The following RBFOX1 variants were observed in gnomAD, a reference collection of about 807,000 sequenced individuals.
RBFOX1 encodes RNA binding protein fox-1 homolog 1.
A neutral mutation model predicts 57.7 loss-of-function variants in RBFOX1; 8 were observed. That is an observed-to-expected ratio of 0.14 (90% CI 0.08 to 0.25). The LOEUF (loss-of-function observed/expected upper bound fraction) is 0.25, where lower values mean the gene tolerates loss of function less well. Among genes scored for constraint, RBFOX1 ranks in the 10% least tolerant of loss-of-function variants. The pLI, the probability that RBFOX1 is intolerant of heterozygous loss-of-function variation, is 1.00. For missense variants in RBFOX1, 611 were observed against 548.5 expected, an observed-to-expected ratio of 1.11 and a Z score of -1.14; for synonymous variants, 326 against 222.4, an observed-to-expected ratio of 1.47 and a Z score of -4.15.
chr16:5,923,545 T>TC (rs1282706469), intron 4 of RBFOX1, among the ~76,000 whole-genome samples: 2 of 127,558 alleles, frequency 1.6e-5, no homozygotes, highest in Non-Finnish European at 3.4e-5. Flanking sequence ...TTTTTTTTTT[T>TC]TTTTTCTTTT....
At chr16:7,647,482 C>A (rs562476235) in intron 11 of RBFOX1, among the ~76,000 whole-genome samples, 1 of 151,848 alleles carries the variant, frequency 6.6e-6, no homozygotes, top group African/African-American at 2.4e-5. Flanking sequence ...AATCAACCTG[C>A]GTCCTTTCCA....
intron 4 of RBFOX1, among the ~76,000 whole-genome samples, chr16:7,119,779 C>A (rs967319128): frequency 6.6e-6 from 1 of 151,956 alleles, no homozygotes; most frequent in African/African-American, 2.4e-5. Flanking sequence ...GTCTGTCTCA[C>A]TATTTGATAA....
At chr16:5,875,966 C>A (rs2057599166) in intron 4 of RBFOX1, among the ~76,000 whole-genome samples, 1 of 151,888 alleles carries the variant, frequency 6.6e-6, no homozygotes, top group African/African-American at 2.4e-5. Context: ...GCCTCAGCCT[C>A]CCGAGTAGCT....
At chr16:5,560,062 T>C (rs1403855543) in intron 2 of RBFOX1, among the ~76,000 whole-genome samples, 3 of 152,162 alleles carry the variant, frequency 2.0e-5, no homozygotes, top group Non-Finnish European at 2.9e-5. Context: ...ATTCCCAGAG[T>C]GTCAACAGTG....
chr16:6,435,776 A>G (rs1042110311), intron 2 of RBFOX1, among the ~76,000 whole-genome samples: 5 of 152,148 alleles, frequency 3.3e-5, no homozygotes, highest in Non-Finnish European at 7.3e-5. Context: ...ATTGGGGTCT[A>G]GATTGTTCAT....
At chr16:5,612,324 C>T (rs533550462) in intron 3 of RBFOX1, among the ~76,000 whole-genome samples, 2 of 151,944 alleles carry the variant, frequency 1.3e-5, no homozygotes, top group Non-Finnish European at 2.9e-5. Flanking sequence ...TACTCATCCA[C>T]CTATCCACCA....
At chr16:5,436,835 T>C (rs2151527778) in intron 1 of RBFOX1, among the ~76,000 whole-genome samples, 1 of 151,398 alleles carries the variant, frequency 6.6e-6, no homozygotes, top group East Asian at 1.9e-4. Context: ...AAGACTCCGC[T>C]TCAAAAAAAA....
chr16:5,602,835 T>G (rs538283272), downstream of RBFOX1, among the ~76,000 whole-genome samples: 29 of 152,290 alleles, frequency 1.9e-4, no homozygotes, highest in Admixed American at 7.8e-4. Flanking sequence ...GTACTAATAC[T>G]AGTAATAGTA....
Position 7,664,809 on chromosome 16 carries a change from T to C in RBFOX1, c.891-120T>C. The stretch of plus-strand genomic sequence containing the variant: ...CCTCCTTAATCCAATGTGAAAACGA[T>C]CCTCGGTTCCTGTGTTTTGGATCTT... On this transcript the variant is annotated intron_variant, in intron 12 of 15. Transcript: ENST00000550418. 5.7e-6 allele frequency: 9 copies of C among 1,576,220 alleles called. 1 individual carries two copies. The highest frequency in any genetic ancestry group is 7.8e-6 in the Non-Finnish European group (9 of 1,151,112).
intron 4 of RBFOX1, among the ~76,000 whole-genome samples, chr16:6,002,242 TCTC>T (rs1397773696): frequency 6.6e-6 from 1 of 152,160 alleles, no homozygotes; most frequent in Non-Finnish European, 1.5e-5. Context: ...CTGCCAAAGT[TCTC>T]ATTTTATAGG....
chr16:7,494,726 C>G (rs1380532589), intron 4 of RBFOX1, among the ~76,000 whole-genome samples: 1 of 151,824 alleles, frequency 6.6e-6, no homozygotes, highest in Non-Finnish European at 1.5e-5. Context: ...AGCATTTGAA[C>G]AACAGGCCTT....
chr16:6,476,632 G>C (rs80307915), intron 2 of RBFOX1, among the ~76,000 whole-genome samples: 1 of 152,116 alleles, frequency 6.6e-6, no homozygotes, highest in African/African-American at 2.4e-5. Context: ...GTCTTGCCTC[G>C]GTGTTGATGG....
At chr16:7,551,978 G>A (rs936783927) in intron 5 of RBFOX1, among the ~76,000 whole-genome samples, 2 of 152,124 alleles carry the variant, frequency 1.3e-5, no homozygotes, top group Admixed American at 6.5e-5. Flanking sequence ...ATGTGCAAAG[G>A]CCGTGTGTCC....
chr16:6,304,819 G>T lies in RBFOX1; in HGVS notation c.-126-12176G>T, dbSNP rs1220327104. 4.5e-5 allele frequency among the ~76,000 whole-genome samples: 6 copies of T among 132,560 alleles called. No individual in the cohort carries two copies. In the South Asian group the frequency reaches 1.4e-3, roughly 32 times the overall value. 87.0% of individuals were successfully genotyped at this position (132,560 alleles called of 152,430 possible). ...AGAAGGGAGGTGGAAATTGCAGTGA[G>T]CCCACATCATGCCACTGACTATACT... On this transcript the variant is annotated intron_variant, in intron 1 of 15. Transcript: ENST00000550418.
At chr16:7,403,563 C>CA (rs1491389086) in intron 4 of RBFOX1, among the ~76,000 whole-genome samples, 9 of 8,330 alleles carry the variant, frequency 1.1e-3, no homozygotes, top group African/African-American at 2.4e-3. Flanking sequence ...ATGAGAGAAT[C>CA]CCCCCCCCCC....
chr16:6,441,314 C>A (rs1011381878), intron 2 of RBFOX1, among the ~76,000 whole-genome samples: 1 of 152,222 alleles, frequency 6.6e-6, no homozygotes, highest in African/African-American at 2.4e-5. Flanking sequence ...AACGAGCTCT[C>A]TCCTGTGTAC....
intron 3 of RBFOX1, among the ~76,000 whole-genome samples, chr16:6,755,604 A>G (rs919985908): frequency 6.6e-6 from 1 of 152,216 alleles, no homozygotes; most frequent in African/African-American, 2.4e-5. Context: ...TCAGTGTTTT[A>G]TCATGAAGAA....
intron 4 of RBFOX1, among the ~76,000 whole-genome samples, chr16:7,342,866 A>G (rs1287385718): frequency 6.6e-6 from 1 of 152,120 alleles, no homozygotes; most frequent in East Asian, 1.9e-4. Context: ...CTGTCCTCAG[A>G]GGTTGCATCA....
At chr16:7,540,421 T>C (rs1049521574) in intron 5 of RBFOX1, among the ~76,000 whole-genome samples, 1 of 152,202 alleles carries the variant, frequency 6.6e-6, no homozygotes, top group Non-Finnish European at 1.5e-5. Flanking sequence ...ATGCAAGACT[T>C]GGCAAGTAAC....
Sources: allele counts gnomAD v4.1 joint callset (sites outside exome capture counted in the v4.1 genomes callset), GRCh38; gene constraint gnomAD v4.1.1; transcripts MANE v1.5; gene names NCBI Gene and HGNC (gene_info 2026-07-23, HGNC 2026-07-21).